The following SOX6 variants were observed in gnomAD, a reference collection of about 807,000 sequenced individuals.
SOX6 encodes transcription factor SOX-6.
SOX6 carries 11 observed loss-of-function variants against 97.8 expected under a neutral mutation model. That is an observed-to-expected ratio of 0.11 (90% CI 0.07 to 0.19). SOX6 has a LOEUF of 0.19. Among genes scored for constraint, SOX6 ranks in the 10% least tolerant of loss-of-function variants. The pLI, the probability that SOX6 is intolerant of heterozygous loss-of-function variation, is 1.00. For missense variants in SOX6, 810 were observed against 1,039.5 expected (o/e 0.78, Z 3.04); for synonymous variants, 360 against 371.4 (o/e 0.97, Z 0.35).
At chr11:15,974,447 A>T (rs1476390869) in intron 15 of SOX6, among the ~76,000 whole-genome samples, 4 of 116,384 alleles carry the variant, frequency 3.4e-5, no homozygotes, top group African/African-American at 1.0e-4. Context: ...TGTGCAGGTT[A>T]GTTACATATG....
intron 1 of SOX6, among the ~76,000 whole-genome samples, chr11:16,439,563 A>G (rs1482197970): frequency 6.6e-6 from 1 of 152,216 alleles, no homozygotes; most frequent in Non-Finnish European, 1.5e-5. Flanking sequence ...ACTGATCTGA[A>G]TGAATAATAA....
At chr11:16,493,023 A>T (rs185500368) in intron 4 of SOX6, among the ~76,000 whole-genome samples, 32 of 152,312 alleles carry the variant, frequency 2.1e-4, no homozygotes, top group African/African-American at 5.5e-4. Flanking sequence ...GTGGAAGTGT[A>T]AATTAGAAGA....
intron 4 of SOX6, among the ~76,000 whole-genome samples, chr11:16,514,752 T>C (rs867548583): frequency 1.4e-5 from 2 of 142,374 alleles, no homozygotes; most frequent in Non-Finnish European, 3.0e-5. Context: ...TGTGTCCATG[T>C]GTTCTCATTG....
Position 16,440,116 on chromosome 11 carries a change from C to T in SOX6, c.-5+36199G>A, listed in dbSNP as rs550389104. Among the ~76,000 whole-genome samples, 13 of 152,260 alleles carry T rather than the reference C, an allele frequency of 8.5e-5. No homozygotes were observed. In the South Asian group the frequency reaches 2.5e-3, roughly 29 times the overall value. ...AGTGAATTAATTTCTGTAAAGTACTCCAATATTACAAAGGTGTGTTGAAAG... is the reference window on the plus strand; with the variant it reads ...AGTGAATTAATTTCTGTAAAGTACTTCAATATTACAAAGGTGTGTTGAAAG... On this transcript the variant is annotated intron_variant, in intron 1 of 15. Coordinates refer to the SOX6 transcript ENST00000396356.
At chr11:16,076,735 ATTTTTT>A (rs1156737950) in intron 9 of SOX6, among the ~76,000 whole-genome samples, 2 of 94,132 alleles carry the variant, frequency 2.1e-5, no homozygotes, top group African/African-American at 5.1e-5. Flanking sequence ...GGTACTACAC[ATTTTTT>A]TTTTTTTTTT....
chr11:16,602,250 T>C (rs1270807676), intron 4 of SOX6, among the ~76,000 whole-genome samples: 1 of 152,000 alleles, frequency 6.6e-6, no homozygotes. Context: ...TGAAGGAATA[T>C]GGTGGACAAG....
chr11:16,315,000 T>G (rs1206957802), intron 3 of SOX6: 2 of 152,304 alleles, frequency 1.3e-5, no homozygotes, highest in African/African-American at 4.8e-5. Flanking sequence ...TGCAGTGGCA[T>G]GATCTCAGCT....
chr11:16,410,152 T>C (rs1858773858), intron 1 of SOX6, among the ~76,000 whole-genome samples: 2 of 152,196 alleles, frequency 1.3e-5, no homozygotes, highest in Admixed American at 1.3e-4. Context: ...CATGCATACA[T>C]ATATCATATC....
At chr11:15,998,364 A>G (rs1189580476) in intron 13 of SOX6, among the ~76,000 whole-genome samples, 2 of 149,258 alleles carry the variant, frequency 1.3e-5, no homozygotes, top group Non-Finnish European at 3.0e-5. Flanking sequence ...TTGGGAATAA[A>G]TTTAACTGAA....
intron 4 of SOX6, among the ~76,000 whole-genome samples, chr11:16,525,097 C>A (rs1861135061): frequency 6.6e-6 from 1 of 152,146 alleles, no homozygotes; most frequent in Admixed American, 6.5e-5. Context: ...CATCAAGCTA[C>A]CAAGGACTTT....
At chr11:16,580,713 C>T (rs117907792) in intron 4 of SOX6, among the ~76,000 whole-genome samples, 1 of 152,260 alleles carries the variant, frequency 6.6e-6, no homozygotes, top group Non-Finnish European at 1.5e-5. Flanking sequence ...TGACAAACAT[C>T]TAACATCCAG....
chr11:16,176,130 A>C (rs768463131), intron 6 of SOX6, among the ~76,000 whole-genome samples: 1 of 151,818 alleles, frequency 6.6e-6, no homozygotes, highest in Non-Finnish European at 1.5e-5. Context: ...AGAGAGAGAG[A>C]GAGAGATTCA....
intron 1 of SOX6, among the ~76,000 whole-genome samples, chr11:16,453,061 T>A (rs966291199): frequency 5.3e-5 from 8 of 152,208 alleles, no homozygotes; most frequent in Admixed American, 3.3e-4. Context: ...GGACAGGTGA[T>A]GACATCCTAT....
At chr11:16,093,397 G>C (rs1439370772) in intron 9 of SOX6, among the ~76,000 whole-genome samples, 1 of 151,898 alleles carries the variant, frequency 6.6e-6, no homozygotes, top group East Asian at 1.9e-4. Flanking sequence ...AAGAAAGAAA[G>C]TAATGGCATA....
intron 4 of SOX6, among the ~76,000 whole-genome samples, chr11:16,599,037 A>G (rs1377010317): frequency 6.6e-6 from 1 of 152,122 alleles, no homozygotes; most frequent in Non-Finnish European, 1.5e-5. Flanking sequence ...AATTTATCTT[A>G]TATTTATTAT....
At chr11:16,303,651 T>C (rs1209705671) in intron 3 of SOX6, among the ~76,000 whole-genome samples, 5 of 152,200 alleles carry the variant, frequency 3.3e-5, no homozygotes, top group Non-Finnish European at 1.5e-5. Flanking sequence ...TGTCTAGGTA[T>C]ATGAAAGTCT....
At chr11:16,057,421 C>T (rs982777975) in intron 9 of SOX6, among the ~76,000 whole-genome samples, 5 of 152,036 alleles carry the variant, frequency 3.3e-5, no homozygotes, top group African/African-American at 1.2e-4. Context: ...ATCACTAATT[C>T]TCAAACTCTG....
chr11:16,222,867 T>C (rs1471224607), intron 4 of SOX6, among the ~76,000 whole-genome samples: 3 of 152,102 alleles, frequency 2.0e-5, no homozygotes, highest in Admixed American at 2.0e-4. Flanking sequence ...TTTGTACAAA[T>C]AAGAAAACTA....
intron 12 of SOX6, among the ~76,000 whole-genome samples, chr11:16,035,657 A>G (rs1249679126): frequency 6.6e-6 from 1 of 152,196 alleles, no homozygotes; most frequent in Admixed American, 6.5e-5. Flanking sequence ...ACTGGCATCA[A>G]CTTAAATCAA....
Sources: allele counts gnomAD v4.1 joint callset (sites outside exome capture counted in the v4.1 genomes callset), GRCh38; gene constraint gnomAD v4.1.1; transcripts MANE v1.5; gene names NCBI Gene and HGNC (gene_info 2026-07-23, HGNC 2026-07-21).